Variants in VPS13B observed in about 807,000 individuals in gnomAD.
VPS13B encodes the protein vacuolar protein sorting 13 homolog B.
In VPS13B, 285 loss-of-function variants were observed where a neutral mutation model predicts 426.4. The observed-to-expected ratio is 0.67, with a 90% CI of 0.61 to 0.74. The LOEUF (loss-of-function observed/expected upper bound fraction) is 0.74, where lower values mean the gene tolerates loss of function less well. Among genes scored for constraint, VPS13B ranks in the 30% least tolerant of loss-of-function variants. The pLI, the probability that VPS13B is intolerant of heterozygous loss-of-function variation, is 0.00. For missense variants in VPS13B, 4,537 were observed against 4,782.6 expected (o/e 0.95, Z 1.51); for synonymous variants, 1,676 against 1,676.4 (o/e 1.00, Z 0.01).
intron 17 of VPS13B, among the ~76,000 whole-genome samples, chr8:99,223,384 C>T (rs1815838015): frequency 6.6e-6 from 1 of 152,072 alleles, no homozygotes; most frequent in Non-Finnish European, 1.5e-5. Context: ...ATATATGACA[C>T]ACTCTTGTAC....
rs927188206 is a variant in VPS13B at position 99,108,674 on chromosome 8, A to C, written c.581-2424A>C. Among the ~76,000 whole-genome samples the C allele has an allele frequency of 2.6e-5, 4 of 151,826 alleles. No homozygotes were observed. The South Asian group carries it at 8.3e-4, about 32-fold the overall frequency. ...ATGCCAGTACCGTACTGTTTTGGTT[A>C]TTATTGCTTTTAGTATATTTTAAAG... On this transcript the variant is annotated intron_variant, in intron 5 of 61. Coordinates refer to ENST00000357162, the MANE Select transcript of VPS13B (RefSeq NM_152564.5).
chr8:99,486,130 C>T (rs576942722), intron 25 of VPS13B, among the ~76,000 whole-genome samples: 1 of 152,212 alleles, frequency 6.6e-6, no homozygotes, highest in African/African-American at 2.4e-5. Flanking sequence ...TTTCAGGGAA[C>T]CTTGGGCAGT....
At chr8:99,292,285 A>G (rs1819779037) in intron 19 of VPS13B, among the ~76,000 whole-genome samples, 1 of 152,168 alleles carries the variant, frequency 6.6e-6, no homozygotes, top group South Asian at 2.1e-4. Flanking sequence ...AAACATCTTT[A>G]TCAAGTTAAT....
intron 34 of VPS13B, among the ~76,000 whole-genome samples, chr8:99,657,482 G>GTGTGTGTGTGTGTC (rs1588595083): frequency 6.6e-6 from 1 of 151,668 alleles, no homozygotes; most frequent in East Asian, 1.9e-4. Flanking sequence ...GTGTGTGTGT[G>GTGTGTGTGTGTGTC]TGTGTGTGTG....
chr8:99,460,453 A>G (rs1416918605), intron 23 of VPS13B, among the ~76,000 whole-genome samples: 1 of 152,284 alleles, frequency 6.6e-6, no homozygotes, highest in East Asian at 1.9e-4. Context: ...TTATTGTTGT[A>G]TATATTCAGT....
intron 6 of VPS13B, among the ~76,000 whole-genome samples, chr8:99,112,178 A>G (rs1054698917): frequency 5.3e-5 from 8 of 152,152 alleles, no homozygotes; most frequent in Non-Finnish European, 1.0e-4. Flanking sequence ...TCTGCCTATC[A>G]TTGTATCTTG....
At chr8:99,779,280 C>T (rs1477322687) in intron 42 of VPS13B, among the ~76,000 whole-genome samples, 1 of 152,202 alleles carries the variant, frequency 6.6e-6, no homozygotes, top group African/African-American at 2.4e-5. Context: ...GTGACTAATG[C>T]ACCACATCTG....
At chr8:99,364,200 T>G (rs945107406) in intron 19 of VPS13B, among the ~76,000 whole-genome samples, 3 of 152,236 alleles carry the variant, frequency 2.0e-5, no homozygotes, top group Non-Finnish European at 4.4e-5. Context: ...AAATGCTTTT[T>G]CAAAATCAGT....
At chr8:99,862,886 G>A (rs987611184) in intron 58 of VPS13B, among the ~76,000 whole-genome samples, 5 of 152,206 alleles carry the variant, frequency 3.3e-5, no homozygotes, top group Non-Finnish European at 7.3e-5. Flanking sequence ...TCAGTGGTGT[G>A]GGGCACTGTC....
intron 25 of VPS13B, among the ~76,000 whole-genome samples, chr8:99,493,780 T>TAAAAA (rs376555643): frequency 3.5e-3 from 197 of 57,074 alleles, no homozygotes; most frequent in Middle Eastern, 7.7e-3. Flanking sequence ...AGACTCTATC[T>TAAAAA]AAAAAAAAAA....
chr8:99,151,747 G>C (rs1339165911), intron 14 of VPS13B, among the ~76,000 whole-genome samples: 1 of 152,076 alleles, frequency 6.6e-6, no homozygotes, highest in East Asian at 1.9e-4. Flanking sequence ...CAGTCAGGCT[G>C]GTCTTGGACT....
chr8:99,565,570 A>T (rs1445537210), intron 31 of VPS13B, among the ~76,000 whole-genome samples: 1 of 152,120 alleles, frequency 6.6e-6, no homozygotes, highest in African/African-American at 2.4e-5. Context: ...TTTCTGAGAG[A>T]TTACGACTAT....
At chr8:99,208,441 T>A (rs1399941483) in intron 17 of VPS13B, among the ~76,000 whole-genome samples, 3 of 152,168 alleles carry the variant, frequency 2.0e-5, no homozygotes, top group Non-Finnish European at 4.4e-5. Flanking sequence ...AAAATGAAAT[T>A]TTGGTTGCAA....
At chr8:99,137,488 G>A (rs533527185) in intron 12 of VPS13B, among the ~76,000 whole-genome samples, 106 of 151,230 alleles carry the variant, frequency 7.0e-4, no homozygotes, top group South Asian at 2.5e-3. Context: ...TGATTATAAC[G>A]TAGCATGTTA....
At chr8:99,070,378 T>A (rs1587994807) in intron 3 of VPS13B, among the ~76,000 whole-genome samples, 1 of 152,240 alleles carries the variant, frequency 6.6e-6, no homozygotes, top group African/African-American at 2.4e-5. Flanking sequence ...GTGAAAACTT[T>A]AATTCTTTCT....
At chr8:99,720,620 C>G in intron 38 of VPS13B, 68 bp downstream of exon 38, 4 of 1,515,154 alleles carry the variant, frequency 2.6e-6, no homozygotes, top group South Asian at 2.3e-5. Context: ...TGCATGTTGA[C>G]TAAATAAAAA....
At chr8:99,672,971 C>G (rs1320790716) in intron 35 of VPS13B, among the ~76,000 whole-genome samples, 1 of 151,986 alleles carries the variant, frequency 6.6e-6, no homozygotes, top group Non-Finnish European at 1.5e-5. Flanking sequence ...GTTGATCATA[C>G]CTGTGATGAC....
chr8:99,207,919 A>G (rs968384751), intron 17 of VPS13B, among the ~76,000 whole-genome samples: 22 of 152,336 alleles, frequency 1.4e-4, no homozygotes, highest in African/African-American at 5.3e-4. Flanking sequence ...TGATTTTAGT[A>G]ATGAATGTAG....
In VPS13B at chr8:99,795,259, T is replaced by C. The variant is rs560083466; in HGVS notation, c.7941+10783T>C. ...CTTTCCATGTTACTGCAGGTGATAG[T>C]GTTGAAAAACTTTCTGCCACCACAT... On this transcript the variant is annotated intron_variant, in intron 43 of 61. Transcript: ENST00000357162. 4.6e-5 allele frequency among the ~76,000 whole-genome samples: 7 copies of C among 152,314 alleles called. No homozygotes were observed. In the East Asian group the frequency reaches 1.2e-3, roughly 25 times the overall value.
Sources: allele counts gnomAD v4.1 joint callset (sites outside exome capture counted in the v4.1 genomes callset), GRCh38; gene constraint gnomAD v4.1.1; transcripts MANE v1.5; gene names NCBI Gene and HGNC (gene_info 2026-07-23, HGNC 2026-07-21).